OR1J2: variants seen among roughly 807,000 people sequenced by gnomAD.
OR1J2 encodes the protein olfactory receptor 1J2.
For synonymous variants in OR1J2, 142 were observed against 99.7 expected (o/e 1.42, Z -2.52); for missense variants, 304 against 246.1 (o/e 1.24, Z -1.57).
At chr9:122,486,458 G>C in the OR1J2 span, among the ~76,000 whole-genome samples, 1 of 152,184 alleles carries the variant, frequency 6.6e-6, no homozygotes, top group African/African-American at 2.4e-5. Context: ...TTTGCTGCCT[G>C]AGAGCACTCA....
chr9:122,482,470 A>G, the OR1J2 span, among the ~76,000 whole-genome samples: 29 of 152,308 alleles, frequency 1.9e-4, no homozygotes, highest in African/African-American at 6.5e-4. Flanking sequence ...GAGATTTCTC[A>G]AAAAATTAAA....
chr9:122,511,117 T>C lies in OR1J2; in HGVS notation c.316T>C (p.Phe106Leu). ...ECISQMYFFI[F>L]FTDLDSFLIT... ...CATTTCTCAGATGTATTTTTTTATA[T>C]TTTTTACTGACCTGGACAGCTTCCT... Residue 106 changes from phenylalanine (F) to leucine (L), a missense_variant, in exon 1 of 1, where the codon TTT (phenylalanine) becomes CTT (leucine). Transcript: ENST00000335302. 1 of 947,080 alleles carries C rather than the reference T, an allele frequency of 1.1e-6. No homozygotes were observed. The highest frequency in any genetic ancestry group is 1.5e-5 in the South Asian group (1 of 65,644). 58.7% of individuals were successfully genotyped at this position (947,080 alleles called of 1,614,324 possible).
chr9:122,463,801 A>G, the OR1J2 span, among the ~76,000 whole-genome samples: 8 of 152,176 alleles, frequency 5.3e-5, no homozygotes, highest in African/African-American at 1.9e-4. Flanking sequence ...TCCGCCACAG[A>G]TAACCAGCAC....
In OR1J2 at chr9:122,511,151, C is replaced by T. The variant is rs766746789; in HGVS notation, c.350C>T (p.Ser117Leu). The T allele has an allele frequency of 1.1e-5, 8 of 746,654 alleles. No individual in the cohort carries two copies. The highest frequency in any genetic ancestry group is 1.7e-5 in the Non-Finnish European group (7 of 419,784). 46.3% of individuals were successfully genotyped at this position (746,654 alleles called of 1,614,324 possible). ...FTDLDSFLITSMAYDRYVAIC... is the reference protein window; with the variant it reads ...FTDLDSFLITLMAYDRYVAIC... ...GACCTGGACAGCTTCCTTATTACATCAATGGCATATGACCGATATGTTGCC... is the reference window on the plus strand; with the variant it reads ...GACCTGGACAGCTTCCTTATTACATTAATGGCATATGACCGATATGTTGCC... The change falls in exon 1 of 1, where the codon TCA (serine) becomes TTA (leucine). Residue 117 changes from serine to leucine, a missense_variant. Ser to Leu is a moderately radical substitution (Grantham distance 145). Transcript: ENST00000335302.
chr9:122,450,699 C>T, the OR1J2 span, among the ~76,000 whole-genome samples: 7 of 152,194 alleles, frequency 4.6e-5, no homozygotes, highest in African/African-American at 1.7e-4. Context: ...ACCAGTCCTC[C>T]TGTTGAACGG....
chr9:122,493,416 C>T, the OR1J2 span, among the ~76,000 whole-genome samples: 1 of 152,042 alleles, frequency 6.6e-6, no homozygotes, highest in African/African-American at 2.4e-5. Context: ...TCTATATCTT[C>T]CTGGTTTAAC....
chr9:122,483,329 A>G, the OR1J2 span, among the ~76,000 whole-genome samples: 2 of 152,206 alleles, frequency 1.3e-5, no homozygotes, highest in Non-Finnish European at 2.9e-5. Flanking sequence ...CTTTGTAATA[A>G]TGAAGAACTG....
At chr9:122,523,534 T>C in the OR1J2 span, among the ~76,000 whole-genome samples, 1 of 152,144 alleles carries the variant, frequency 6.6e-6, no homozygotes, top group Non-Finnish European at 1.5e-5. Flanking sequence ...AGAAGGTCAT[T>C]GTACATTCAG....
the OR1J2 span, among the ~76,000 whole-genome samples, chr9:122,493,738 G>A: frequency 8.4e-4 from 127 of 151,900 alleles, no homozygotes; most frequent in African/African-American, 3.0e-3. Context: ...TCTGCTGGTT[G>A]TGGGTTTGGA....
At chr9:122,554,259 G>T in the OR1J2 span, 2 of 932,546 alleles carry the variant, frequency 2.1e-6, no homozygotes, top group East Asian at 2.5e-5. Flanking sequence ...ATTAGGGGAA[G>T]GTTATCCGTT....
the OR1J2 span, chr9:122,567,166 A>G: frequency 6.3e-6 from 1 of 159,746 alleles, no homozygotes; most frequent in East Asian, 1.8e-4. Context: ...AAAAACATTC[A>G]ATGGCTACAA....
the OR1J2 span, chr9:122,567,581 CT>C: frequency 6.2e-7 from 1 of 1,602,196 alleles, no homozygotes; most frequent in South Asian, 1.1e-5. Context: ...TCCTCAGGCC[CT>C]GTTTCAGGTC....
chr9:122,473,383 C>G, the OR1J2 span, among the ~76,000 whole-genome samples: 1 of 152,174 alleles, frequency 6.6e-6, no homozygotes, highest in African/African-American at 2.4e-5. Context: ...AATGGATCAT[C>G]TCTCTAAAAG....
the OR1J2 span, among the ~76,000 whole-genome samples, chr9:122,483,490 A>C: frequency 1.3e-5 from 2 of 152,226 alleles, no homozygotes; most frequent in African/African-American, 4.8e-5. Flanking sequence ...TAACATGCAA[A>C]CTATGCTCGT....
chr9:122,496,867 A>G, the OR1J2 span, among the ~76,000 whole-genome samples: 2 of 152,180 alleles, frequency 1.3e-5, no homozygotes, highest in African/African-American at 4.8e-5. Flanking sequence ...GTTTGCCTTA[A>G]GTAGTTTCCA....
chr9:122,552,079 T>A, the OR1J2 span, among the ~76,000 whole-genome samples: 98,533 of 138,888 alleles, frequency 0.71, 35,825 homozygotes, highest in East Asian at 0.99. Context: ...TCTCTCTCTC[T>A]CACACACACA....
At chr9:122,471,759 A>G in the OR1J2 span, among the ~76,000 whole-genome samples, 2 of 152,196 alleles carry the variant, frequency 1.3e-5, no homozygotes, top group African/African-American at 2.4e-5. Flanking sequence ...GCCCAGCTAG[A>G]AAATTCCCCC....
At chr9:122,476,524 A>G in the OR1J2 span, among the ~76,000 whole-genome samples, 1 of 152,222 alleles carries the variant, frequency 6.6e-6, no homozygotes, top group African/African-American at 2.4e-5. Flanking sequence ...TATTCCCTCA[A>G]ACAGATGCAA....
the OR1J2 span, among the ~76,000 whole-genome samples, chr9:122,529,588 C>T: frequency 2.0e-5 from 3 of 152,316 alleles, no homozygotes; most frequent in Non-Finnish European, 1.5e-5. Context: ...CTCAAGCACT[C>T]TGCACCATCT....
Sources: gnomAD v4.1 joint callset for allele counts (sites outside exome capture counted in the v4.1 genomes callset) on GRCh38, gnomAD v4.1.1 for gene constraint, MANE v1.5 for transcripts, NCBI Gene and HGNC (gene_info 2026-07-23, HGNC 2026-07-21) for gene names.